MRTFB: variants seen among roughly 807,000 people sequenced by gnomAD.
MRTFB encodes myocardin-related transcription factor B.
Under a neutral mutation model 104.2 loss-of-function variants are expected in MRTFB, and 29 were observed. The observed-to-expected ratio is 0.28, with a 90% CI of 0.21 to 0.38. MRTFB has a LOEUF of 0.38. MRTFB is among the 10% of genes least tolerant of loss of function. The pLI, the probability that MRTFB is intolerant of heterozygous loss-of-function variation, is 1.00. For synonymous variants in MRTFB, 535 were observed against 519.5 expected, an observed-to-expected ratio of 1.03 and a Z score of -0.41; for missense variants, 1,270 against 1,341.6, an observed-to-expected ratio of 0.95 and a Z score of 0.83.
chr16:14,111,348 G>T (rs1453076710), intron 2 of MRTFB, among the ~76,000 whole-genome samples: 1 of 152,024 alleles, frequency 6.6e-6, no homozygotes, highest in Non-Finnish European at 1.5e-5. Context: ...CACATCAAGT[G>T]GCCTTTGCCC....
intron 10 of MRTFB, among the ~76,000 whole-genome samples, chr16:14,243,861 TG>T (rs949730228): frequency 7.1e-6 from 1 of 140,560 alleles, no homozygotes; most frequent in African/African-American, 3.1e-5. Flanking sequence ...TTGCCTGTTT[TG>T]GGTTTTTTTT....
At chr16:14,059,766 G>A in the MRTFB span, among the ~76,000 whole-genome samples, 1 of 152,152 alleles carries the variant, frequency 6.6e-6, no homozygotes, top group East Asian at 1.9e-4. Context: ...CCTAGAAAGA[G>A]AAGCTTGGAG....
chr16:14,042,235 C>G, the MRTFB span, among the ~76,000 whole-genome samples: 1 of 152,064 alleles, frequency 6.6e-6, no homozygotes, highest in Non-Finnish European at 1.5e-5. Context: ...AAGCAATTCT[C>G]CTGCCTCAGC....
chr16:14,102,980 C>G (rs1044109681), intron 2 of MRTFB, among the ~76,000 whole-genome samples: 7 of 152,154 alleles, frequency 4.6e-5, no homozygotes, highest in African/African-American at 1.7e-4. Context: ...TATATCAGCT[C>G]CCTTTGCCAG....
chr16:14,084,660 T>C (rs566091423), intron 2 of MRTFB, among the ~76,000 whole-genome samples: 7 of 152,226 alleles, frequency 4.6e-5, no homozygotes, highest in Non-Finnish European at 7.3e-5. Context: ...GGTGATGATA[T>C]TATTGAGTTA....
chr16:14,012,295 C>CTTTTTTTTTTTTTTTTT, the MRTFB span, among the ~76,000 whole-genome samples: 1 of 107,922 alleles, frequency 9.3e-6, no homozygotes, highest in African/African-American at 4.3e-5. Flanking sequence ...CTTTTTCTTT[C>CTTTTTTTTTTTTTTTTT]TTTCTTTTTT....
chr16:14,200,000 T>C (rs917519754), intron 3 of MRTFB: 3 of 333,590 alleles, frequency 9.0e-6, no homozygotes, highest in Non-Finnish European at 1.6e-5. Flanking sequence ...AAACTTAATG[T>C]TATACATTGT....
In MRTFB at chr16:14,251,747, C is replaced by G. The variant is rs917563118; in HGVS notation, c.2404-115C>G. 4 of 1,081,364 alleles carry G rather than the reference C, an allele frequency of 3.7e-6. No individual in the cohort carries two copies. The Admixed American group carries it at 8.5e-5, about 23-fold the overall frequency. The allele number at this position is 1,081,364 out of a possible 1,614,324, so 67.0% of individuals were successfully genotyped here. A position where few individuals can be genotyped will look rare whatever the true frequency, so the allele number is the denominator to read the frequency against. On this transcript the variant is annotated intron_variant, in intron 13 of 16. Coordinates refer to ENST00000571589, the MANE Select transcript of MRTFB (RefSeq NM_001308142.2). ...TGACCCACAAATCATAAGCTATATA[C>G]TCTGCAGCCCTTTACAGAAAAAGTT...
At chr16:14,093,191 G>GAAAAGCAC (rs895287550) in intron 2 of MRTFB, among the ~76,000 whole-genome samples, 7 of 151,446 alleles carry the variant, frequency 4.6e-5, no homozygotes, top group African/African-American at 1.7e-4. Flanking sequence ...GTAAATATTA[G>GAAAAGCAC]AAAAGCACAG....
intron 2 of MRTFB, among the ~76,000 whole-genome samples, chr16:14,123,851 C>CTTA (rs1197660470): frequency 1.3e-5 from 2 of 152,166 alleles, no homozygotes; most frequent in African/African-American, 4.8e-5. Flanking sequence ...CTATAAATTA[C>CTTA]TTAGGGCAGT....
chr16:14,043,679 G>A, the MRTFB span, among the ~76,000 whole-genome samples: 1 of 152,160 alleles, frequency 6.6e-6, no homozygotes, highest in Non-Finnish European at 1.5e-5. Flanking sequence ...CTGTACAATG[G>A]CATGATGAGG....
the MRTFB span, among the ~76,000 whole-genome samples, chr16:14,024,246 A>G: frequency 3.3e-5 from 5 of 152,160 alleles, no homozygotes; most frequent in Admixed American, 2.6e-4. Flanking sequence ...CATCAGAGCT[A>G]TTTTGTTGAA....
At chr16:14,226,375 C>G (rs955639964) in intron 8 of MRTFB, among the ~76,000 whole-genome samples, 1 of 152,022 alleles carries the variant, frequency 6.6e-6, no homozygotes, top group Non-Finnish European at 1.5e-5. Context: ...AGAAATAAGC[C>G]CTTAGATATG....
chr16:14,165,320 G>A (rs1178239390), intron 3 of MRTFB, among the ~76,000 whole-genome samples: 1 of 152,070 alleles, frequency 6.6e-6, no homozygotes. Context: ...GCTGTTAATT[G>A]ATCTGTTCCT....
intron 10 of MRTFB, among the ~76,000 whole-genome samples, chr16:14,244,003 G>A (rs1162934445): frequency 2.6e-5 from 4 of 151,594 alleles, no homozygotes; most frequent in Admixed American, 6.6e-5. Flanking sequence ...TCAGCCTCCC[G>A]AGTAGCTGGG....
intron 2 of MRTFB, among the ~76,000 whole-genome samples, chr16:14,120,397 C>A (rs556170164): frequency 1.3e-5 from 2 of 152,198 alleles, no homozygotes; most frequent in South Asian, 4.1e-4. Flanking sequence ...GAGATCCTAC[C>A]ATGTTTCCTT....
chr16:14,057,180 G>A, the MRTFB span, among the ~76,000 whole-genome samples: 1 of 152,100 alleles, frequency 6.6e-6, no homozygotes, highest in Non-Finnish European at 1.5e-5. Flanking sequence ...GCTCTGGAAT[G>A]TAAGCTCACT....
At chr16:14,053,559 T>A in the MRTFB span, among the ~76,000 whole-genome samples, 1 of 151,900 alleles carries the variant, frequency 6.6e-6, no homozygotes, top group Non-Finnish European at 1.5e-5. Flanking sequence ...GGTGAAACCC[T>A]GTCTCTACTA....
intron 1 of MRTFB, among the ~76,000 whole-genome samples, chr16:14,074,771 TTTCTGG>T (rs1288375382): frequency 7.2e-5 from 11 of 152,332 alleles, no homozygotes; most frequent in Admixed American, 7.2e-4. Flanking sequence ...ATACACAATA[TTTCTGG>T]ACCCTTCCAT....
Sources: allele counts gnomAD v4.1 joint callset (sites outside exome capture counted in the v4.1 genomes callset), GRCh38; gene constraint gnomAD v4.1.1; transcripts MANE v1.5; gene names NCBI Gene and HGNC (gene_info 2026-07-23, HGNC 2026-07-21).